Variants in FBXO25 observed in about 807,000 individuals in gnomAD.
FBXO25 encodes the protein F-box only protein 25.
Under a neutral mutation model 51.9 loss-of-function variants are expected in FBXO25, and 45 were observed. The ratio of observed to expected loss-of-function variants is 0.87; its 90% confidence interval spans 0.68 to 1.11. The LOEUF (loss-of-function observed/expected upper bound fraction) is 1.11, where lower values mean the gene tolerates loss of function less well. FBXO25 is among the 50% of genes most tolerant of loss of function. The pLI, the probability that FBXO25 is intolerant of heterozygous loss-of-function variation, is 0.00. For synonymous variants in FBXO25, 199 were observed against 151.0 expected (o/e 1.32, Z -2.33); for missense variants, 507 against 428.5 (o/e 1.18, Z -1.62).
At position 470,949 on chromosome 8, in the gene FBXO25, C is replaced by G. The variant is rs1202407178; in HGVS notation, c.*2145C>G. 6.6e-6 allele frequency: 1 copy of G among 152,158 alleles called. No individual in the cohort carries two copies. Among genetic ancestry groups the G allele is most frequent in the Non-Finnish European group, 1.5e-5 (1 of 67,998 alleles). 9.4% of individuals were successfully genotyped at this position (152,158 alleles called of 1,614,324 possible). ...TAGTTTCTTCTTAAAAGGAAACTAT[C>G]CTTTTGAAGTTGTGGTTCTTTCCCC... On this transcript the variant is annotated 3_prime_UTR_variant, in exon 10 of 10. Coordinates refer to ENST00000350302, the MANE Select transcript of FBXO25 (RefSeq NM_183420.2).
rs752916935 is a variant in FBXO25, at chr8:427,768, G to C, written c.135-3573G>C. Among the ~76,000 whole-genome samples the C allele has an allele frequency of 1.6e-4, 24 of 150,398 alleles. 1 individual carries two copies. Among genetic ancestry groups the C allele is most frequent in the Non-Finnish European group, 3.1e-4 (21 of 67,392 alleles). ...GTCATTTTTCTTACTGGTAACAAAA[G>C]TTTTGTGACATATTTTACAGCAATA... On this transcript the variant is annotated intron_variant, in intron 2 of 9. Coordinates refer to ENST00000350302, the MANE Select transcript of FBXO25 (RefSeq NM_183420.2).
intron 2 of FBXO25, among the ~76,000 whole-genome samples, chr8:428,205 A>C (rs1158508643): frequency 2.0e-5 from 3 of 151,922 alleles, no homozygotes; most frequent in East Asian, 1.9e-4. Flanking sequence ...TGTCCTTGGG[A>C]TTGTCAGAGG....
At chr8:462,972 T>G in intron 8 of FBXO25, 35 bp from the exon 9 acceptor site, 1 of 1,585,136 alleles carries the variant, frequency 6.3e-7, no homozygotes, top group South Asian at 1.2e-5. Context: ...GAAAGTCATC[T>G]TATGCGGATT....
At chr8:438,844 C>T (rs115723889) in intron 5 of FBXO25, among the ~76,000 whole-genome samples, 1,959 of 152,288 alleles carry the variant, frequency 0.013, 34 homozygotes, top group African/African-American at 0.044. Context: ...TTGGCCTCAC[C>T]GCCCCCATCA....
In FBXO25 at chr8:473,360, C is replaced by G. The variant is rs141427282; in HGVS notation, c.*4556C>G. On this transcript the variant is annotated 3_prime_UTR_variant, in exon 10 of 10. Coordinates refer to ENST00000350302, the MANE Select transcript of FBXO25 (RefSeq NM_183420.2). ...GTTCTAGGTGGTAACGTGGCACCTG[C>G]ACATGCACCCCCAGCAGTCCTCTCT... The G allele has an allele frequency of 5.3e-5, 8 of 152,376 alleles. No homozygotes were observed. The East Asian group carries it at 1.5e-3, about 29-fold the overall frequency. The allele number at this position is 152,376 out of a possible 1,614,324, so 9.4% of individuals were successfully genotyped here.
chr8:449,613 C>G (rs531238046), intron 5 of FBXO25, among the ~76,000 whole-genome samples: 7 of 152,172 alleles, frequency 4.6e-5, no homozygotes, highest in African/African-American at 1.7e-4. Context: ...TGTGAAAATA[C>G]TTGTTAGTGC....
intron 4 of FBXO25, among the ~76,000 whole-genome samples, chr8:434,792 A>G (rs1798005672): frequency 1.3e-5 from 2 of 152,244 alleles, no homozygotes; most frequent in Admixed American, 6.5e-5. Flanking sequence ...GCTAATCTAT[A>G]CAAACCAATA....
In FBXO25 at chr8:436,721, A is replaced by G. The variant is rs534350495; in HGVS notation, c.381+1014A>G. 1.3e-3 allele frequency among the ~76,000 whole-genome samples: 205 copies of G among 152,316 alleles called. 1 individual carries two copies. Among genetic ancestry groups the G allele is most frequent in the Middle Eastern group, 3.4e-3 (1 of 294 alleles). ...ACTCAGCCTTGTGGAAATTTTCAGT[A>G]CTTAAGTAGCCGGGAAAAACATCAG... On this transcript the variant is annotated intron_variant, in intron 5 of 9. Transcript: ENST00000350302.
intron 1 of FBXO25, among the ~76,000 whole-genome samples, chr8:412,158 G>T (rs1320710547): frequency 6.6e-6 from 1 of 152,116 alleles, no homozygotes; most frequent in Admixed American, 6.6e-5. Flanking sequence ...TTTATACCTG[G>T]AGTCTGGTAT....
rs1800590182 is a variant in FBXO25, at chr8:474,687, T to G, written c.*5883T>G. ...ATGTCGTCTTTGGAGAAATGTCTAT[T>G]TGGGCTCTTTGTCCATTTTTCAATC... On this transcript the variant is annotated 3_prime_UTR_variant, in exon 10 of 10. Coordinates refer to ENST00000350302, the MANE Select transcript of FBXO25 (RefSeq NM_183420.2). The G allele has an allele frequency of 4.4e-6, 2 of 453,452 alleles. No individual in the cohort carries two copies. Among genetic ancestry groups the G allele is most frequent in the Admixed American group, 2.4e-5 (1 of 41,864 alleles). The allele number at this position is 453,452 out of a possible 1,614,324, so 28.1% of individuals were successfully genotyped here.
At chr8:409,915 T>A (rs181674725) in intron 1 of FBXO25, among the ~76,000 whole-genome samples, 13 of 152,232 alleles carry the variant, frequency 8.5e-5, no homozygotes, top group African/African-American at 3.1e-4. Flanking sequence ...TAGTCGCTTA[T>A]GTACCAGTCC....
At chr8:432,165 A>G (rs1217336540) in intron 3 of FBXO25, among the ~76,000 whole-genome samples, 10 of 152,236 alleles carry the variant, frequency 6.6e-5, no homozygotes, top group Non-Finnish European at 1.5e-4. Flanking sequence ...GGTTCTTTAA[A>G]TACAAGCACT....
intron 9 of FBXO25, chr8:468,238 G>A (rs1692019656): frequency 9.9e-7 from 1 of 1,010,760 alleles, no homozygotes; most frequent in Non-Finnish European, 1.2e-6. Flanking sequence ...CTGAGGCCGT[G>A]TGTCCCCCTC....
intron 1 of FBXO25, among the ~76,000 whole-genome samples, chr8:412,379 C>A (rs765093496): frequency 6.6e-6 from 1 of 152,176 alleles, no homozygotes; most frequent in Admixed American, 6.5e-5. Context: ...GCAGTCTCTG[C>A]TCTTCTGTTT....
intron 2 of FBXO25, among the ~76,000 whole-genome samples, chr8:416,310 A>G (rs767857866): frequency 6.6e-6 from 1 of 152,072 alleles, no homozygotes; most frequent in Non-Finnish European, 1.5e-5. Flanking sequence ...TTTCAAAACA[A>G]CCGGATCTCT....
intron 5 of FBXO25, among the ~76,000 whole-genome samples, chr8:442,594 C>T (rs1303529538): frequency 6.6e-6 from 1 of 152,074 alleles, no homozygotes; most frequent in Non-Finnish European, 1.5e-5. Context: ...CTCAGCTTCC[C>T]GAGTAGCTGG....
chr8:469,546 A>G lies in FBXO25; in HGVS notation c.*742A>G, dbSNP rs1386209784. 6.6e-6 allele frequency: 1 copy of G among 152,246 alleles called. No individual in the cohort carries two copies. The highest frequency in any genetic ancestry group is 1.9e-4 in the East Asian group (1 of 5,190). 9.4% of individuals were successfully genotyped at this position (152,246 alleles called of 1,614,324 possible). On this transcript the variant is annotated 3_prime_UTR_variant, in exon 10 of 10. Coordinates refer to ENST00000350302, the MANE Select transcript of FBXO25 (RefSeq NM_183420.2). ...TGTGTTGAAACTACTTTAATAGACA[A>G]AGTAATAAATCATGTTTATCTATTG...
intron 5 of FBXO25, among the ~76,000 whole-genome samples, chr8:446,284 C>T (rs949004864): frequency 2.0e-5 from 3 of 152,124 alleles, no homozygotes; most frequent in African/African-American, 4.8e-5. Flanking sequence ...GCCCTGACCC[C>T]TCTTATTGGT....
Position 471,922 on chromosome 8 carries a change from T to C in FBXO25, c.*3118T>C, listed in dbSNP as rs978313816. ...TCTGTGAACAGTTTTTTGCCTTAAGTGCTGCTTTTAGAACCAAACTGTCAT... is the reference window on the plus strand; with the variant it reads ...TCTGTGAACAGTTTTTTGCCTTAAGCGCTGCTTTTAGAACCAAACTGTCAT... On this transcript the variant is annotated 3_prime_UTR_variant, in exon 10 of 10. Transcript: ENST00000350302. 1 of 152,232 alleles carries C rather than the reference T, an allele frequency of 6.6e-6. No homozygotes were observed. Among genetic ancestry groups the C allele is most frequent in the Non-Finnish European group, 1.5e-5 (1 of 68,044 alleles). 9.4% of individuals were successfully genotyped at this position (152,232 alleles called of 1,614,324 possible).
Sources: allele counts gnomAD v4.1 joint callset (sites outside exome capture counted in the v4.1 genomes callset), GRCh38; gene constraint gnomAD v4.1.1; transcripts MANE v1.5; gene names NCBI Gene and HGNC (gene_info 2026-07-23, HGNC 2026-07-21).